Variants in RAB43 observed in about 807,000 individuals in gnomAD.
RAB43 encodes the protein RAB43, member RAS oncogene family.
RAB43 carries 6 observed loss-of-function variants against 18.8 expected under a neutral mutation model. The observed-to-expected ratio is 0.32, with a 90% CI of 0.17 to 0.63. RAB43 has a LOEUF of 0.63. Ranked by LOEUF, RAB43 falls within the 30% of genes least tolerant of loss-of-function variation. The pLI, the probability that RAB43 is intolerant of heterozygous loss-of-function variation, is 0.79. For missense variants in RAB43, 195 were observed against 289.1 expected (o/e 0.67, Z 2.36); for synonymous variants, 103 against 124.1 (o/e 0.83, Z 1.13).
intron 1 of RAB43, among the ~76,000 whole-genome samples, chr3:129,110,882 T>C (rs1418517278): frequency 1.3e-5 from 2 of 151,822 alleles, no homozygotes. Flanking sequence ...ATGTGGATTA[T>C]ATCTCCATAA....
intron 1 of RAB43, among the ~76,000 whole-genome samples, chr3:129,098,168 C>T (rs1490968421): frequency 6.6e-6 from 1 of 152,134 alleles, no homozygotes; most frequent in African/African-American, 2.4e-5. Flanking sequence ...GAACAGGCCT[C>T]ATTAGTGTCT....
At chr3:129,091,568 C>T (rs1354645114) in intron 2 of RAB43, among the ~76,000 whole-genome samples, 1 of 152,238 alleles carries the variant, frequency 6.6e-6, no homozygotes, top group Non-Finnish European at 1.5e-5. Context: ...AGGAAGACTG[C>T]TTGAGCCCAG....
chr3:129,091,270 G>A lies in RAB43; in HGVS notation c.465C>T (p.Ile155=), dbSNP rs1483579444. Residue 155 remains isoleucine, a synonymous_variant, in exon 3 of 3, where the codon ATC becomes ATT. Transcript: ENST00000315150. ...TGGCAGACGTCTCAATGGCACACAG[G>A]ATGTCATAGTGCTCAGCCAGGCTCT... The part of the protein sequence containing the change: ...EAQSLAEHYD[I]LCAIETSAKD... 4.4e-6 allele frequency: 7 copies of A among 1,582,670 alleles called. No homozygotes were observed. Among genetic ancestry groups the A allele is most frequent in the Middle Eastern group, 1.7e-4 (1 of 6,016 alleles).
chr3:129,092,539 T>C (rs1411072377), intron 2 of RAB43: 1 of 698,676 alleles, frequency 1.4e-6, no homozygotes, highest in Non-Finnish European at 2.6e-6. Flanking sequence ...GGCAGGAGGA[T>C]TGCTTGAGGC....
chr3:129,090,280 A>T lies in RAB43; in HGVS notation c.*816T>A, dbSNP rs1933558760. 1 of 142,214 alleles carries T rather than the reference A, an allele frequency of 7.0e-6. No homozygotes were observed. The highest frequency in any genetic ancestry group is 1.5e-5 in the Non-Finnish European group (1 of 65,070). 8.8% of individuals were successfully genotyped at this position (142,214 alleles called of 1,614,324 possible). On this transcript the variant is annotated 3_prime_UTR_variant, in exon 3 of 3. Coordinates refer to ENST00000315150, the MANE Select transcript of RAB43 (RefSeq NM_198490.3). The stretch of plus-strand genomic sequence containing the variant: ...CTCAAGGATGCAAGCTTCTACTTGG[A>T]CCTTAAATGTCCACTTTCTCATCTC...
At chr3:129,117,572 T>A (rs1420271837) in intron 1 of RAB43, among the ~76,000 whole-genome samples, 1 of 152,230 alleles carries the variant, frequency 6.6e-6, no homozygotes, top group African/African-American at 2.4e-5. Context: ...TTTGGGTATA[T>A]CTACACGTTT....
chr3:129,104,719 G>A (rs1208206278), intron 1 of RAB43, among the ~76,000 whole-genome samples: 1 of 152,214 alleles, frequency 6.6e-6, no homozygotes, highest in African/African-American at 2.4e-5. Context: ...GAGGGATAAG[G>A]CTTCTTTCCT....
chr3:129,117,624 C>A (rs1016813419), intron 1 of RAB43, among the ~76,000 whole-genome samples: 3 of 152,220 alleles, frequency 2.0e-5, no homozygotes, highest in Admixed American at 6.5e-5. Flanking sequence ...CTTTAACTGT[C>A]AACCCCAATC....
chr3:129,098,406 T>C (rs1205757131), intron 1 of RAB43, among the ~76,000 whole-genome samples: 1 of 152,224 alleles, frequency 6.6e-6, no homozygotes, highest in African/African-American at 2.4e-5. Context: ...AGCCAGTAAC[T>C]GAATTGACTA....
chr3:129,093,116 C>T (rs554861289), intron 2 of RAB43, among the ~76,000 whole-genome samples: 69 of 151,944 alleles, frequency 4.5e-4, no homozygotes, highest in Non-Finnish European at 7.7e-4. Flanking sequence ...TTGGCCTCCG[C>T]AGTAGCTGGG....
chr3:129,121,469 G>GCC lies in RAB43; in HGVS notation c.19_20dup (p.Pro8AlafsTer51), dbSNP rs1935927708. The GCC allele has an allele frequency of 6.2e-7, 1 of 1,611,666 alleles. No homozygotes were observed. Among genetic ancestry groups the GCC allele is most frequent in the Non-Finnish European group, 8.5e-7 (1 of 1,179,142 alleles). On this transcript the variant is annotated frameshift_variant, in exon 1 of 3. Transcript: ENST00000315150. LOFTEE classifies it high-confidence loss of function. ...CGTACTGCTCGTCCGGGTCCCCCGG[G>GCC]CCTGGGCCCGGCCCTGCCATGGCCT...
intron 1 of RAB43, among the ~76,000 whole-genome samples, chr3:129,112,429 T>C (rs1935233974): frequency 1.3e-5 from 2 of 152,148 alleles, no homozygotes; most frequent in South Asian, 4.2e-4. Context: ...GGGCCTTTTT[T>C]CAAAGAATAA....
Position 129,121,479 on chromosome 3 carries a change from G to A in RAB43, c.11C>T (p.Pro4Leu), listed in dbSNP as rs1203396278. ...GTCCGGGTCCCCCGGGCCTGGGCCC[G>A]GCCCTGCCATGGCCTAGAAGAAGCC... MAG[P>L]GPGPGDPDEQ... Residue 4 changes from proline (P) to leucine (L), a missense_variant, in exon 1 of 3, where the codon CCG becomes CTG. Coordinates refer to ENST00000315150, the MANE Select transcript of RAB43 (RefSeq NM_198490.3). 2.5e-6 allele frequency: 4 copies of A among 1,610,702 alleles called. No individual in the cohort carries two copies. The highest frequency in any genetic ancestry group is 3.4e-6 in the Non-Finnish European group (4 of 1,178,748).
At chr3:129,093,535 G>A (rs1390653256) in intron 2 of RAB43, among the ~76,000 whole-genome samples, 1 of 152,166 alleles carries the variant, frequency 6.6e-6, no homozygotes. Flanking sequence ...GCTTGAACCC[G>A]GGAGGCGGAG....
At chr3:129,109,040 G>GA in intron 1 of RAB43, among the ~76,000 whole-genome samples, 1 of 142,606 alleles carries the variant, frequency 7.0e-6, no homozygotes, top group South Asian at 2.2e-4. Context: ...GAAACCATGA[G>GA]AAAAAACTAC....
intron 2 of RAB43, 77 bp downstream of exon 2, chr3:129,094,909 A>C (rs1933935376): frequency 6.5e-7 from 1 of 1,543,792 alleles, no homozygotes; most frequent in Non-Finnish European, 8.8e-7. Context: ...TCAGGGTTAC[A>C]CTGTGTTTAA....
chr3:129,101,632 G>C (rs910231214), intron 1 of RAB43, among the ~76,000 whole-genome samples: 2 of 152,322 alleles, frequency 1.3e-5, no homozygotes, highest in East Asian at 3.9e-4. Context: ...CAGGACAAAG[G>C]CTCAGAGGCA....
At chr3:129,102,272 C>T (rs1475587987) in intron 1 of RAB43, among the ~76,000 whole-genome samples, 1 of 152,176 alleles carries the variant, frequency 6.6e-6, no homozygotes, top group Admixed American at 6.5e-5. Flanking sequence ...GCATGTGAGC[C>T]CTTCTCTCTG....
Position 129,121,278 on chromosome 3 carries a change from C to T in RAB43, c.204+8G>A. ...AGCGCCTTCCAGGGGCCCTGGCCGG[C>T]CTCCCACCTTGACCCGCTTGCCCTG... On this transcript the variant is annotated splice_region_variant and intron_variant, in intron 1 of 2. Transcript: ENST00000315150. 2 of 1,596,278 alleles carry T rather than the reference C, an allele frequency of 1.3e-6. No individual in the cohort carries two copies. Among genetic ancestry groups the T allele is most frequent in the South Asian group, 1.1e-5 (1 of 88,486 alleles).
Sources: allele counts gnomAD v4.1 joint callset (sites outside exome capture counted in the v4.1 genomes callset), GRCh38; gene constraint gnomAD v4.1.1; transcripts MANE v1.5; gene names NCBI Gene and HGNC (gene_info 2026-07-23, HGNC 2026-07-21).